Variants in TM9SF4 observed in about 807,000 individuals in gnomAD.
TM9SF4 encodes the protein transmembrane 9 superfamily member 4, also known as dinucleotide oxidase disulfide thiol exchanger 3 superfamily member 4.
In TM9SF4, 26 loss-of-function variants were observed where a neutral mutation model predicts 90.4. The ratio of observed to expected loss-of-function variants is 0.29; its 90% confidence interval spans 0.21 to 0.40. TM9SF4 has a LOEUF of 0.40. Among genes scored for constraint, TM9SF4 ranks in the 10% least tolerant of loss-of-function variants. The probability of loss-of-function intolerance (pLI) is 1.00; values close to 1 mark genes in which losing one functional copy is unlikely to be tolerated. For synonymous variants in TM9SF4, 293 were observed against 315.4 expected (o/e 0.93, Z 0.75); for missense variants, 549 against 834.8 (o/e 0.66, Z 4.22).
intron 15 of TM9SF4, among the ~76,000 whole-genome samples, chr20:32,158,762 C>A (rs2046969618): frequency 6.6e-6 from 1 of 152,102 alleles, no homozygotes; most frequent in Admixed American, 6.5e-5. Context: ...GTGGGTGGAT[C>A]ACAAGGTCAG....
chr20:32,143,948 C>CTT (rs148354514), intron 6 of TM9SF4, among the ~76,000 whole-genome samples: 3 of 151,080 alleles, frequency 2.0e-5, no homozygotes, highest in African/African-American at 4.9e-5. Context: ...ACCATTTTAT[C>CTT]TTTTTTTTTC....
chr20:32,162,725 G>C (rs1266271340), intron 17 of TM9SF4, among the ~76,000 whole-genome samples: 3 of 152,148 alleles, frequency 2.0e-5, no homozygotes, highest in Non-Finnish European at 4.4e-5. Flanking sequence ...AGTCTCCCTT[G>C]CTGTGACTTC....
At chr20:32,155,243 T>C in intron 13 of TM9SF4, 57 bp downstream of exon 13, 1 of 1,405,628 alleles carries the variant, frequency 7.1e-7, no homozygotes, top group South Asian at 1.1e-5. Flanking sequence ...CCAGTTGCAC[T>C]CAGCCCTACT....
intron 1 of TM9SF4, among the ~76,000 whole-genome samples, chr20:32,115,215 T>G (rs2046201681): frequency 6.6e-6 from 1 of 152,166 alleles, no homozygotes; most frequent in Admixed American, 6.5e-5. Flanking sequence ...ATGCCCTTAA[T>G]CCCCCTCAGG....
intron 2 of TM9SF4, among the ~76,000 whole-genome samples, chr20:32,134,406 T>G (rs1306719031): frequency 1.3e-5 from 2 of 152,208 alleles, no homozygotes; most frequent in East Asian, 3.8e-4. Context: ...CCTCAAGCAA[T>G]TCATGAAATG....
chr20:32,121,180 C>A (rs1238200960), intron 1 of TM9SF4, among the ~76,000 whole-genome samples: 1 of 151,094 alleles, frequency 6.6e-6, no homozygotes, highest in Non-Finnish European at 1.5e-5. Context: ...CTACATAAAC[C>A]CGCTGTGCCT....
At position 32,125,094 on chromosome 20, in the gene TM9SF4, A is replaced by G. The variant is rs117627443; in HGVS notation, c.16-7919A>G. 6.1e-3 allele frequency among the ~76,000 whole-genome samples: 926 copies of G among 152,204 alleles called. 4 individuals are homozygous for G. Among genetic ancestry groups the G allele is most frequent in the Middle Eastern group, 0.014 (4 of 294 alleles). ...GAGACCTCCTCTGCCACCTCCTCCCATGGTCACTCAGCTCACGGTGACGGT... is the reference window on the plus strand; with the variant it reads ...GAGACCTCCTCTGCCACCTCCTCCCGTGGTCACTCAGCTCACGGTGACGGT... On this transcript the variant is annotated intron_variant, in intron 1 of 17. Coordinates refer to ENST00000398022, the MANE Select transcript of TM9SF4 (RefSeq NM_014742.4).
chr20:32,143,304 A>G (rs1323599876), intron 6 of TM9SF4, among the ~76,000 whole-genome samples, 199 bp downstream of exon 6: 6 of 152,248 alleles, frequency 3.9e-5, no homozygotes, highest in Non-Finnish European at 8.8e-5. Flanking sequence ...GTCACGGGCT[A>G]GACACCTTAC....
At chr20:32,137,285 C>T (rs1197135478) in intron 3 of TM9SF4, among the ~76,000 whole-genome samples, 1 of 152,212 alleles carries the variant, frequency 6.6e-6, no homozygotes, top group East Asian at 1.9e-4. Context: ...AAGCCTGACC[C>T]ACTTGGTGCC....
chr20:32,140,265 A>G (rs2046652939), intron 3 of TM9SF4, among the ~76,000 whole-genome samples: 1 of 150,792 alleles, frequency 6.6e-6, no homozygotes, highest in Non-Finnish European at 1.5e-5. Context: ...GATAGTCCCT[A>G]ACTGCTCAGT....
chr20:32,130,154 A>G (rs1421773259), intron 1 of TM9SF4, among the ~76,000 whole-genome samples: 1 of 152,228 alleles, frequency 6.6e-6, no homozygotes, highest in East Asian at 1.9e-4. Flanking sequence ...CATTAGTTCT[A>G]AGTTGAACTT....
At chr20:32,144,884 G>C (rs538637135) in intron 6 of TM9SF4, among the ~76,000 whole-genome samples, 2 of 152,194 alleles carry the variant, frequency 1.3e-5, no homozygotes, top group South Asian at 4.1e-4. Flanking sequence ...TTGTCTGCGT[G>C]ACAGGGCAAA....
intron 3 of TM9SF4, chr20:32,136,736 A>T: frequency 4.9e-6 from 2 of 410,312 alleles, no homozygotes; most frequent in South Asian, 3.5e-5. Flanking sequence ...CATTTGACAG[A>T]ATTTCAGGTG....
chr20:32,133,104 A>G lies in TM9SF4; in HGVS notation c.107A>G (p.Gln36Arg). ...VPGVAPINFH[Q>R]NDPVEIKAVK... ...GGGGTCGCGCCTATCAACTTCCACC[A>G]GAACGATCCCGTAGAAATCAAGGTA... The change falls in exon 2 of 18, where the codon CAG (glutamine) becomes CGG (arginine). Residue 36 changes from glutamine to arginine, a missense_variant. This residue lies in a region of TM9SF4 where 495 missense variants were observed against 711.7 expected (regional missense o/e 0.70). Coordinates refer to ENST00000398022, the MANE Select transcript of TM9SF4 (RefSeq NM_014742.4). 1 of 1,614,176 alleles carries G rather than the reference A, an allele frequency of 6.2e-7. No homozygotes were observed.
At chr20:32,134,876 T>A (rs906697005) in intron 2 of TM9SF4, among the ~76,000 whole-genome samples, 4 of 152,264 alleles carry the variant, frequency 2.6e-5, no homozygotes, top group Middle Eastern at 6.8e-3. Context: ...TTTCACCATG[T>A]TGGCCAGGCT....
At position 32,160,167 on chromosome 20, in the gene TM9SF4, G is replaced by A. The variant is rs1043597709; in HGVS notation, c.1689+56G>A. 6 of 1,610,598 alleles carry A rather than the reference G, an allele frequency of 3.7e-6. No individual in the cohort carries two copies. In the African/African-American group the frequency reaches 4.0e-5, roughly 11 times the overall value. On this transcript the variant is annotated intron_variant, in intron 16 of 17. Coordinates refer to ENST00000398022, the MANE Select transcript of TM9SF4 (RefSeq NM_014742.4). Reference sequence around the variant, plus strand: ...GGGAGAACTGGATCCAGCATTGAACGGGTTGATGAGGCTCTGCGGAGAGGC... The same window carrying A: ...GGGAGAACTGGATCCAGCATTGAACAGGTTGATGAGGCTCTGCGGAGAGGC...
chr20:32,138,791 A>G (rs2046630121), intron 3 of TM9SF4, among the ~76,000 whole-genome samples: 2 of 152,234 alleles, frequency 1.3e-5, no homozygotes, highest in African/African-American at 2.4e-5. Flanking sequence ...TCCTCTCTGT[A>G]GCTCTTTCTC....
intron 12 of TM9SF4, among the ~76,000 whole-genome samples, chr20:32,152,044 G>A (rs940922385): frequency 7.2e-6 from 1 of 139,542 alleles, no homozygotes; most frequent in Non-Finnish European, 1.6e-5. Flanking sequence ...TTTTTTTTTT[G>A]TATTTTTAGT....
intron 12 of TM9SF4, among the ~76,000 whole-genome samples, chr20:32,153,215 G>A (rs2046868761): frequency 6.6e-6 from 1 of 152,164 alleles, no homozygotes; most frequent in South Asian, 2.1e-4. Flanking sequence ...AAGGACCTTG[G>A]TATAGCATTA....
Sources: gnomAD v4.1 joint callset for allele counts (sites outside exome capture counted in the v4.1 genomes callset) on GRCh38, gnomAD v4.1.1 for gene constraint, gnomAD v4.1.1 regional missense constraint, MANE v1.5 for transcripts, NCBI Gene and HGNC (gene_info 2026-07-23, HGNC 2026-07-21) for gene names.